Variants in WDTC1 observed in about 807,000 individuals in gnomAD.
WDTC1 encodes WD and tetratricopeptide repeats 1, also known as WD and tetratricopeptide repeats protein 1.
Under a neutral mutation model 76.0 loss-of-function variants are expected in WDTC1, and 12 were observed. The ratio of observed to expected loss-of-function variants is 0.16; its 90% confidence interval spans 0.10 to 0.26. WDTC1 has a LOEUF of 0.26. WDTC1 is among the 10% of genes least tolerant of loss of function. The pLI, the probability that WDTC1 is intolerant of heterozygous loss-of-function variation, is 1.00. For synonymous variants in WDTC1, 326 were observed against 350.8 expected, an observed-to-expected ratio of 0.93 and a Z score of 0.79; for missense variants, 511 against 908.8, an observed-to-expected ratio of 0.56 and a Z score of 5.63.
rs754785538 is a variant in WDTC1, at chr1:27,294,083, C to A, written c.724C>A (p.Leu242Ile). The change falls in exon 8 of 16, where the codon CTT becomes ATT. Residue 242 changes from leucine (L) to isoleucine (I), a missense_variant. Leu to Ile is a conservative substitution (Grantham distance 5, BLOSUM62 2). Transcript: ENST00000319394. ...CACCTTCTGTGACCGGCAGAAACCC[C>A]TTCCGGACGGTGCAGCCCAGTATTA... ...VHTFCDRQKP[L>I]PDGAAQYYVA... 2.5e-6 allele frequency: 4 copies of A among 1,614,026 alleles called. No individual in the cohort carries two copies. Among genetic ancestry groups the A allele is most frequent in the Non-Finnish European group, 3.4e-6 (4 of 1,180,024 alleles).
intron 1 of WDTC1, among the ~76,000 whole-genome samples, chr1:27,251,853 A>G (rs1416115742): frequency 3.3e-5 from 5 of 152,030 alleles, no homozygotes; most frequent in African/African-American, 1.2e-4. Context: ...CAGGTGTGTC[A>G]GCCTGGCCAA....
rs200667573 is a variant in WDTC1, at chr1:27,294,052, T to C, written c.693T>C (p.Gly231=). ...RKSMKQSPSA[G]VHTFCDRQKP... ...GCATGAAGCAGAGCCCTTCAGCGGG[T>C]GTGCACACCTTCTGTGACCGGCAGA... Residue 231 remains glycine (G), a synonymous_variant, in exon 8 of 16, where the codon GGT becomes GGC. Transcript: ENST00000319394. 3.6e-5 allele frequency: 58 copies of C among 1,614,074 alleles called. No homozygotes were observed. The African/African-American group carries it at 7.5e-4, about 21-fold the overall frequency.
chr1:27,253,307 G>A (rs574755270), intron 1 of WDTC1, among the ~76,000 whole-genome samples: 2 of 150,220 alleles, frequency 1.3e-5, no homozygotes, highest in South Asian at 2.1e-4. Flanking sequence ...GAGCCACTGC[G>A]CCCGGCCGGC....
chr1:27,243,472 C>T (rs2011698845), intron 1 of WDTC1, among the ~76,000 whole-genome samples: 1 of 151,600 alleles, frequency 6.6e-6, no homozygotes, highest in Non-Finnish European at 1.5e-5. Context: ...CTTGGCCTCC[C>T]AAAGTGCTGG....
intron 12 of WDTC1, 117 bp downstream of exon 12, chr1:27,298,228 A>C: frequency 7.6e-7 from 1 of 1,319,950 alleles, no homozygotes; most frequent in East Asian, 2.6e-5. Flanking sequence ...TGGCAAGAAC[A>C]TATTGCTGCC....
intron 10 of WDTC1, 120 bp from the exon 11 acceptor site, chr1:27,296,928 C>T (rs2013707813): frequency 6.8e-6 from 6 of 885,236 alleles, no homozygotes; most frequent in Non-Finnish European, 1.1e-5. Flanking sequence ...GGATCTTACT[C>T]TGGGAGAACA....
At chr1:27,291,633 G>C (rs552858312) in intron 6 of WDTC1, among the ~76,000 whole-genome samples, 1 of 152,180 alleles carries the variant, frequency 6.6e-6, no homozygotes, top group Non-Finnish European at 1.5e-5. Flanking sequence ...GCGTGGATGA[G>C]ACTTTTAGGC....
At chr1:27,234,567 T>A, upstream of WDTC1, 1 of 387,318 alleles carries the variant, frequency 2.6e-6, no homozygotes. Context: ...GCAGTCTTCG[T>A]AGCGTACCCG....
chr1:27,235,015 C>G, intron 1 of WDTC1, 64 bp downstream of exon 1: 1 of 372,854 alleles, frequency 2.7e-6, no homozygotes, highest in Non-Finnish European at 4.8e-6. Flanking sequence ...TCCCGCAGCC[C>G]CGGTGAACGG....
chr1:27,292,211 A>G lies in WDTC1; in HGVS notation c.480-4A>G. ...CAATTCCCTAACTCTGTCCTCTCTC[A>G]CAGCCAGTATGACCTTCGAGAGAAC... is the stretch of plus-strand genomic sequence containing the variant. On this transcript the variant is annotated splice_polypyrimidine_tract_variant and splice_region_variant and intron_variant, in intron 6 of 15. Coordinates refer to ENST00000319394, the MANE Select transcript of WDTC1 (RefSeq NM_001276252.2). 6.4e-7 allele frequency: 1 copy of G among 1,564,960 alleles called. No individual in the cohort carries two copies. Among genetic ancestry groups the G allele is most frequent in the Non-Finnish European group, 8.7e-7 (1 of 1,151,788 alleles).
chr1:27,298,194 A>G (rs1355347550), intron 12 of WDTC1, 83 bp downstream of exon 12: 1 of 1,465,198 alleles, frequency 6.8e-7, no homozygotes, highest in Non-Finnish European at 9.1e-7. Context: ...GATGGAGCCA[A>G]GTTGCCAAGG....
Position 27,234,725 on chromosome 1 carries a change from GT to G in WDTC1, c.-325del. 2.5e-6 allele frequency: 1 copy of G among 399,540 alleles called. No individual in the cohort carries two copies. The highest frequency in any genetic ancestry group is 3.6e-5 in the East Asian group (1 of 28,056). 24.7% of individuals were successfully genotyped at this position (399,540 alleles called of 1,614,324 possible). A position where few individuals can be genotyped will look rare whatever the true frequency, so the allele number is the denominator to read the frequency against. On this transcript the variant is annotated 5_prime_UTR_variant, in exon 1 of 16. Coordinates refer to ENST00000319394, the MANE Select transcript of WDTC1 (RefSeq NM_001276252.2). ...TGTGAGAGCGCGCGAGGGAGTGTGA[GT>G]GTGTGTGAGCGCGGGTGTGAGGCGG...
intron 9 of WDTC1, 83 bp from the exon 10 acceptor site, chr1:27,296,243 T>G: frequency 3.2e-5 from 49 of 1,523,146 alleles, no homozygotes; most frequent in Non-Finnish European, 4.4e-5. Context: ...CTCTAGTTCT[T>G]GAGAAACCAA....
At chr1:27,294,653 T>C (rs1316407852) in intron 9 of WDTC1, 24 bp downstream of exon 9, 52 of 1,607,216 alleles carry the variant, frequency 3.2e-5, no homozygotes, top group Non-Finnish European at 4.4e-5. Flanking sequence ...AAGGTGGTTC[T>C]GCCCCATCAC....
chr1:27,286,215 G>T (rs948307635), intron 5 of WDTC1, among the ~76,000 whole-genome samples: 6 of 150,396 alleles, frequency 4.0e-5, no homozygotes, highest in Admixed American at 6.6e-5. Flanking sequence ...GTTGGCCAGG[G>T]TGGTCTCAAA....
intron 3 of WDTC1, among the ~76,000 whole-genome samples, chr1:27,265,132 CTTG>C (rs757968803): frequency 2.6e-4 from 39 of 152,218 alleles, no homozygotes; most frequent in Non-Finnish European, 5.0e-4. Flanking sequence ...GAAATTAGTA[CTTG>C]TTGAGTTTTG....
chr1:27,263,198 C>T lies in WDTC1; in HGVS notation c.95C>T (p.Pro32Leu). 1.2e-6 allele frequency: 2 copies of T among 1,613,510 alleles called. No individual in the cohort carries two copies. The highest frequency in any genetic ancestry group is 1.1e-5 in the South Asian group (1 of 91,046). ...GAGCGGCGCTACCATGTCACTGACC[C>T]CTTTATCCGGCGGCTGGGCCTGGAA... Reference protein sequence around the residue: ...SFERRYHVTDPFIRRLGLEAE... With the variant: ...SFERRYHVTDLFIRRLGLEAE... Residue 32 changes from proline to leucine, a missense_variant, in exon 3 of 16, where the codon CCC becomes CTC. Coordinates refer to ENST00000319394, the MANE Select transcript of WDTC1 (RefSeq NM_001276252.2).
At chr1:27,239,547 T>C (rs1341085152) in intron 1 of WDTC1, among the ~76,000 whole-genome samples, 1 of 142,918 alleles carries the variant, frequency 7.0e-6, no homozygotes, top group African/African-American at 2.6e-5. Context: ...AAAAGCCAGT[T>C]GTGCAGTGGC....
At chr1:27,254,119 AAAG>A (rs1486301723) in intron 1 of WDTC1, among the ~76,000 whole-genome samples, 1 of 152,200 alleles carries the variant, frequency 6.6e-6, no homozygotes, top group Non-Finnish European at 1.5e-5. Context: ...AAAACAAAAA[AAAG>A]AAAAAAACAA....
Sources: allele counts gnomAD v4.1 joint callset (sites outside exome capture counted in the v4.1 genomes callset), GRCh38; gene constraint gnomAD v4.1.1; transcripts MANE v1.5; gene names NCBI Gene and HGNC (gene_info 2026-07-23, HGNC 2026-07-21).